The following RUNX2 variants were observed in gnomAD, a reference collection of about 807,000 sequenced individuals.
RUNX2 encodes RUNX family transcription factor 2, also known as runt-related transcription factor 2.
RUNX2 carries 10 observed loss-of-function variants against 51.7 expected under a neutral mutation model. The ratio of observed to expected loss-of-function variants is 0.19; its 90% CI spans 0.12 to 0.33. The LOEUF is 0.33. Among genes scored for constraint, RUNX2 ranks in the 10% least tolerant of loss-of-function variants. RUNX2 has a pLI of 1.00. For missense variants in RUNX2, 562 were observed against 691.3 expected (o/e 0.81, Z 2.10); for synonymous variants, 276 against 273.6 (o/e 1.01, Z -0.09).
intron 4 of RUNX2, among the ~76,000 whole-genome samples, chr6:45,436,084 C>G (rs1385261083): frequency 6.6e-6 from 1 of 152,144 alleles, no homozygotes; most frequent in African/African-American, 2.4e-5. Flanking sequence ...TTATTTAAAT[C>G]CGTGTAATAG....
intron 2 of RUNX2, among the ~76,000 whole-genome samples, chr6:45,374,060 T>C (rs191064113): frequency 2.0e-5 from 3 of 152,342 alleles, no homozygotes; most frequent in Admixed American, 6.5e-5. Flanking sequence ...AATTCTCATT[T>C]GATGCCACCA....
At chr6:45,433,490 C>CT (rs141292854) in intron 4 of RUNX2, among the ~76,000 whole-genome samples, 101 of 148,122 alleles carry the variant, frequency 6.8e-4, no homozygotes, top group South Asian at 3.0e-3. Context: ...TGTAATAATA[C>CT]TTTTTTTTTT....
intron 5 of RUNX2, among the ~76,000 whole-genome samples, chr6:45,438,851 T>C (rs1386158298): frequency 6.6e-6 from 1 of 152,154 alleles, no homozygotes; most frequent in Non-Finnish European, 1.5e-5. Context: ...TTATTTGATA[T>C]ATAAACCATT....
intron 2 of RUNX2, among the ~76,000 whole-genome samples, chr6:45,351,596 C>T (rs902363190): frequency 2.4e-4 from 36 of 152,082 alleles, no homozygotes; most frequent in Non-Finnish European, 4.3e-4. Flanking sequence ...TTCTGTTCCT[C>T]CAGCTCTCTT....
Position 45,465,932 on chromosome 6 carries a change from G to A in RUNX2, c.686-26009G>A, listed in dbSNP as rs9369563. 4.9e-4 allele frequency among the ~76,000 whole-genome samples: 75 copies of A among 152,022 alleles called. 1 individual carries two copies. The East Asian group carries it at 0.012, about 24-fold the overall frequency. ...AATTTCTGGGATTATAGGCGTGAGC[G>A]ACTGTACCCCGCCCTACTTCTTTTT... is the stretch of plus-strand genomic sequence containing the variant. On this transcript the variant is annotated intron_variant, in intron 5 of 8. Coordinates refer to ENST00000647337, the MANE Select transcript of RUNX2 (RefSeq NM_001024630.4).
At chr6:45,542,589 A>G (rs1802264948) in intron 7 of RUNX2, among the ~76,000 whole-genome samples, 2 of 152,348 alleles carry the variant, frequency 1.3e-5, no homozygotes, top group African/African-American at 4.8e-5. Context: ...ATTATTTAGC[A>G]GATTAGATCA....
intron 5 of RUNX2, 98 bp downstream of exon 5, chr6:45,438,149 G>C (rs1798742513): frequency 2.5e-6 from 2 of 808,758 alleles, no homozygotes; most frequent in Non-Finnish European, 4.3e-6. Context: ...CATGTCCATA[G>C]TGTCTTTGTG....
rs202179785 is a variant in RUNX2, at chr6:45,331,129, G to A, written c.58+2345G>A. On this transcript the variant is annotated intron_variant, in intron 2 of 8. Transcript: ENST00000647337. ...GGTGTGTGTGTGTGTGTGTGTGTGC[G>A]CGCGCGCGCGCACATGCTAGAGAAA... 6.6e-5 allele frequency among the ~76,000 whole-genome samples: 9 copies of A among 136,060 alleles called. No homozygotes were observed. In the South Asian group the frequency reaches 1.9e-3, roughly 29 times the overall value. The allele number at this position is 136,060 out of a possible 152,430, so 89.3% of individuals were successfully genotyped here.
chr6:45,536,880 A>G (rs1396105188), intron 7 of RUNX2, among the ~76,000 whole-genome samples: 2 of 152,086 alleles, frequency 1.3e-5, no homozygotes, highest in Non-Finnish European at 2.9e-5. Context: ...TGGTTTTTTT[A>G]CAGAAGAGTT....
chr6:45,456,608 C>G (rs1421812059), intron 5 of RUNX2, among the ~76,000 whole-genome samples: 1 of 152,164 alleles, frequency 6.6e-6, no homozygotes, highest in Non-Finnish European at 1.5e-5. Context: ...GTTGGGCACT[C>G]TAAGCATGCT....
intron 2 of RUNX2, among the ~76,000 whole-genome samples, chr6:45,334,449 C>CAAAAAAAAAAAAA (rs551014969): frequency 2.2e-5 from 2 of 91,732 alleles, no homozygotes; most frequent in Non-Finnish European, 4.3e-5. Flanking sequence ...TCAGGAAAAG[C>CAAAAAAAAAAAAA]AAAAAAAAAA....
At chr6:45,505,033 C>A (rs140843536) in intron 6 of RUNX2, among the ~76,000 whole-genome samples, 1 of 152,168 alleles carries the variant, frequency 6.6e-6, no homozygotes, top group Non-Finnish European at 1.5e-5. Flanking sequence ...GCCTGCTGGC[C>A]GCAGGAACAG....
intron 7 of RUNX2, among the ~76,000 whole-genome samples, chr6:45,530,957 A>G (rs566114416): frequency 5.6e-4 from 86 of 152,368 alleles, no homozygotes; most frequent in Non-Finnish European, 1.1e-3. Context: ...AGTGCTTTAC[A>G]TCTATAGAAA....
intron 2 of RUNX2, among the ~76,000 whole-genome samples, chr6:45,369,990 A>C (rs981188067): frequency 8.5e-5 from 13 of 152,200 alleles, no homozygotes; most frequent in Non-Finnish European, 1.8e-4. Flanking sequence ...AGATCTTATA[A>C]AGCCTTTAGG....
At chr6:45,377,077 C>G (rs930771589) in intron 2 of RUNX2, among the ~76,000 whole-genome samples, 1 of 149,932 alleles carries the variant, frequency 6.7e-6, no homozygotes, top group South Asian at 2.1e-4. Flanking sequence ...GACCAAGTGT[C>G]CTGATTCTCT....
At chr6:45,336,609 T>C (rs557238489) in intron 2 of RUNX2, among the ~76,000 whole-genome samples, 6 of 151,560 alleles carry the variant, frequency 4.0e-5, no homozygotes, top group African/African-American at 1.2e-4. Flanking sequence ...AACCACTCTA[T>C]ATATGTACAA....
intron 6 of RUNX2, among the ~76,000 whole-genome samples, chr6:45,509,731 A>C (rs1801085706): frequency 6.6e-6 from 1 of 152,224 alleles, no homozygotes; most frequent in Non-Finnish European, 1.5e-5. Flanking sequence ...GCCTTTCTGC[A>C]CAAGGAGAAC....
At chr6:45,434,780 C>G (rs529132550) in intron 4 of RUNX2, among the ~76,000 whole-genome samples, 1 of 152,090 alleles carries the variant, frequency 6.6e-6, no homozygotes, top group South Asian at 2.1e-4. Context: ...ACTGCTAGCT[C>G]CCTATTTGAG....
chr6:45,521,715 G>GT (rs1334460439), intron 7 of RUNX2, among the ~76,000 whole-genome samples: 11 of 151,774 alleles, frequency 7.2e-5, no homozygotes, highest in South Asian at 2.1e-4. Flanking sequence ...ACCTCTGCCT[G>GT]TTTTTTTTGA....
Sources: gnomAD v4.1 joint callset for allele counts (sites outside exome capture counted in the v4.1 genomes callset) on GRCh38, gnomAD v4.1.1 for gene constraint, MANE v1.5 for transcripts, NCBI Gene and HGNC (gene_info 2026-07-23, HGNC 2026-07-21) for gene names.